PAX9: variants seen among roughly 807,000 people sequenced by gnomAD.
PAX9 encodes the protein paired box protein Pax-9.
In PAX9, 6 loss-of-function variants were observed where a neutral mutation model predicts 29.1. That is an observed-to-expected ratio of 0.21 (90% CI 0.11 to 0.41). The LOEUF (loss-of-function observed/expected upper bound fraction) is 0.41. Among genes scored for constraint, PAX9 ranks in the 10% least tolerant of loss-of-function variants. The probability of loss-of-function intolerance (pLI) is 1.00; values close to 1 mark genes in which losing one functional copy is unlikely to be tolerated. For missense variants in PAX9, 443 were observed against 479.1 expected (o/e 0.92, Z 0.70); for synonymous variants, 217 against 211.7 (o/e 1.03, Z -0.22).
At chr14:36,657,764 AG>A (rs1022461495), upstream of PAX9, 2 of 152,194 alleles carry the variant, frequency 1.3e-5, no homozygotes, top group African/African-American at 4.8e-5. Context: ...TTGAACCGTG[AG>A]GCTCCTTGAT....
chr14:36,660,554 C>G (rs750955383), upstream of PAX9, among the ~76,000 whole-genome samples: 1 of 152,160 alleles, frequency 6.6e-6, no homozygotes, highest in Admixed American at 6.5e-5. Context: ...TTCCTGGGTT[C>G]TTGCAACTTA....
chr14:36,660,887 A>T (rs116045436), upstream of PAX9, among the ~76,000 whole-genome samples: 661 of 152,392 alleles, frequency 4.3e-3, 5 homozygotes, highest in African/African-American at 0.015. Flanking sequence ...AGTAGGCAGA[A>T]CGACAGGGCC....
intron 3 of PAX9, among the ~76,000 whole-genome samples, chr14:36,670,123 TA>T (rs1881650032): frequency 6.6e-6 from 1 of 152,028 alleles, no homozygotes; most frequent in African/African-American, 2.4e-5. Context: ...TATATATAAA[TA>T]ATTGTATAGT....
chr14:36,662,124 CG>C, intron 1 of PAX9, 31 bp downstream of exon 1: 1 of 552,342 alleles, frequency 1.8e-6, no homozygotes, highest in Non-Finnish European at 2.4e-6. Context: ...CTGTCAGAGC[CG>C]GGAAGGGAGG....
chr14:36,668,381 T>A (rs980555482), intron 3 of PAX9, among the ~76,000 whole-genome samples: 1 of 150,962 alleles, frequency 6.6e-6, no homozygotes, highest in East Asian at 1.9e-4. Flanking sequence ...AAAAACCCTT[T>A]ATACTTATTA....
Position 36,677,176 on chromosome 14 carries a change from A to C in PAX9, c.*724A>C, listed in dbSNP as rs1881930669. On this transcript the variant is annotated 3_prime_UTR_variant, in exon 4 of 4. Transcript: ENST00000361487. ...AAGATATTCCCCTCCCCTCAGCCCC[A>C]CCCCCTCTCTATTTTTTTCTTTCTT... 6.6e-6 allele frequency: 1 copy of C among 150,880 alleles called. No homozygotes were observed. The allele number at this position is 150,880 out of a possible 1,614,324, so 9.3% of individuals were successfully genotyped here.
chr14:36,675,909 C>A (rs1881867789), intron 3 of PAX9, among the ~76,000 whole-genome samples: 1 of 152,284 alleles, frequency 6.6e-6, no homozygotes, highest in Admixed American at 6.5e-5. Flanking sequence ...TCACCCTGCA[C>A]CTCCTTCCTG....
At chr14:36,673,588 G>A (rs1232336534) in intron 3 of PAX9, among the ~76,000 whole-genome samples, 1 of 152,146 alleles carries the variant, frequency 6.6e-6, no homozygotes, top group Admixed American at 6.5e-5. Flanking sequence ...AAGAGTCCAA[G>A]TAAATGGGGC....
rs1459944015 is a variant in PAX9 at position 36,663,397 on chromosome 14, G to T, written c.505G>T (p.Ala169Ser). 2 of 1,613,230 alleles carry T rather than the reference G, an allele frequency of 1.2e-6. No individual in the cohort carries two copies. The highest frequency in any genetic ancestry group is 2.7e-5 in the African/African-American group (2 of 74,930). Residue 169 changes from alanine to serine, a missense_variant, in exon 2 of 4, where the codon GCG becomes TCG. Around this residue, in one of 2 missense-constraint regions of PAX9, gnomAD observed 336 missense variants for 317.2 expected, o/e 1.06. Transcript: ENST00000361487. ...CTCGTACCCCAGCCCTATCACGGCG[G>T]CGGCCGCCAAGGTGCCCACGCCACC... ...IYSYPSPITA[A>S]AAKVPTPPGV...
chr14:36,661,208 T>C (rs1881249591), upstream of PAX9, among the ~76,000 whole-genome samples: 1 of 152,216 alleles, frequency 6.6e-6, no homozygotes, highest in South Asian at 2.1e-4. Flanking sequence ...CCTGTGTGGC[T>C]AGTGGTTGGC....
chr14:36,669,997 T>C (rs940948674), intron 3 of PAX9, among the ~76,000 whole-genome samples: 1 of 151,934 alleles, frequency 6.6e-6, no homozygotes, highest in Non-Finnish European at 1.5e-5. Flanking sequence ...AGCATAAAAC[T>C]CCAATGGAAT....
At position 36,662,524 on chromosome 14, in the gene PAX9, T is replaced by C. The variant is rs963877328; in HGVS notation, c.5-373T>C. On this transcript the variant is annotated intron_variant, in intron 1 of 3. Transcript: ENST00000361487. ...TCCAGAAGGAACGCTGGGGATGGGA[T>C]GGGTGGAGAGAGGGAGCGGCTCAAG... 1.3e-5 allele frequency: 5 copies of C among 389,086 alleles called. No individual in the cohort carries two copies. In the Middle Eastern group the frequency reaches 2.1e-3, roughly 160 times the overall value. The allele number at this position is 389,086 out of a possible 1,614,324, so 24.1% of individuals were successfully genotyped here. A position where few individuals can be genotyped will look rare whatever the true frequency, so the allele number is the denominator to read the frequency against.
rs1282724514 is a variant in PAX9, at chr14:36,677,845, T to TAACA, written c.*1394_*1397dup. 7 of 152,376 alleles carry TAACA rather than the reference T, an allele frequency of 4.6e-5. No homozygotes were observed. The highest frequency in any genetic ancestry group is 2.0e-4 in the Admixed American group (3 of 15,304). The allele number at this position is 152,376 out of a possible 1,614,324, so 9.4% of individuals were successfully genotyped here. A position where few individuals can be genotyped will look rare whatever the true frequency, so the allele number is the denominator to read the frequency against. On this transcript the variant is annotated 3_prime_UTR_variant, in exon 4 of 4. Transcript: ENST00000361487. ...AATTTATTTTTCACTTTAATGTTAA[T>TAACA]AACAGTTGTGGAGTATATGTGTGTG...
chr14:36,676,090 A>G, intron 3 of PAX9, 108 bp from the exon 4 acceptor site: 2 of 1,134,298 alleles, frequency 1.8e-6, no homozygotes, highest in Non-Finnish European at 2.6e-6. Context: ...GAGTAGAGTC[A>G]GAGCATTGCT....
chr14:36,671,602 T>G (rs1319930914), intron 3 of PAX9, among the ~76,000 whole-genome samples: 1 of 152,190 alleles, frequency 6.6e-6, no homozygotes, highest in Admixed American at 6.5e-5. Flanking sequence ...GGAATGCTTA[T>G]GATGTATCCT....
At chr14:36,666,857 C>A (rs897160297) in intron 3 of PAX9, among the ~76,000 whole-genome samples, 1 of 152,268 alleles carries the variant, frequency 6.6e-6, no homozygotes, top group East Asian at 1.9e-4. Context: ...GCGGCAGCTC[C>A]CCGGGGCGAG....
At chr14:36,663,624 C>A in intron 2 of PAX9, 101 bp downstream of exon 2, 3 of 1,455,434 alleles carry the variant, frequency 2.1e-6, no homozygotes, top group Non-Finnish European at 2.8e-6. Context: ...TCTTTCCCAC[C>A]ACCTGAGGCT....
Position 36,677,191 on chromosome 14 carries a change from T to C in PAX9, c.*739T>C, listed in dbSNP as rs1881932730. ...CCTCAGCCCCACCCCCTCTCTATTT[T>C]TTTCTTTCTTTTTTGCAAAGGTGAC... On this transcript the variant is annotated 3_prime_UTR_variant, in exon 4 of 4. Coordinates refer to ENST00000361487, the MANE Select transcript of PAX9 (RefSeq NM_001372076.1). The C allele has an allele frequency of 6.6e-6, 1 of 152,282 alleles. No individual in the cohort carries two copies. Among genetic ancestry groups the C allele is most frequent in the East Asian group, 1.9e-4 (1 of 5,190 alleles). 9.4% of individuals were successfully genotyped at this position (152,282 alleles called of 1,614,324 possible). A position where few individuals can be genotyped will look rare whatever the true frequency, so the allele number is the denominator to read the frequency against.
intron 3 of PAX9, among the ~76,000 whole-genome samples, chr14:36,671,820 G>A (rs2139118297): frequency 6.6e-6 from 1 of 152,210 alleles, no homozygotes; most frequent in African/African-American, 2.4e-5. Flanking sequence ...GAACTACATT[G>A]CATCTTATAT....
Sources: gnomAD v4.1 joint callset for allele counts (sites outside exome capture counted in the v4.1 genomes callset) on GRCh38, gnomAD v4.1.1 for gene constraint, gnomAD v4.1.1 regional missense constraint, MANE v1.5 for transcripts, NCBI Gene and HGNC (gene_info 2026-07-23, HGNC 2026-07-21) for gene names.